LPP: variants seen among roughly 807,000 people sequenced by gnomAD.
The protein encoded by LPP is lipoma-preferred partner.
Under a neutral mutation model 60.4 loss-of-function variants are expected in LPP, and 38 were observed. The ratio of observed to expected loss-of-function variants is 0.63; its 90% CI spans 0.49 to 0.83. The LOEUF is 0.83. Among genes scored for constraint, LPP ranks in the 40% least tolerant of loss-of-function variants. LPP has a pLI of 0.00. For synonymous variants in LPP, 328 were observed against 290.8 expected (o/e 1.13, Z -1.30); for missense variants, 902 against 783.6 (o/e 1.15, Z -1.80).
chr3:188,295,084 T>C (rs1285517262), intron 2 of LPP, among the ~76,000 whole-genome samples: 1 of 152,206 alleles, frequency 6.6e-6, no homozygotes, highest in Non-Finnish European at 1.5e-5. Flanking sequence ...CCGGTGGACG[T>C]GTGTAGAGGC....
chr3:188,547,694 A>G (rs1260985787), intron 6 of LPP, among the ~76,000 whole-genome samples: 2 of 152,210 alleles, frequency 1.3e-5, no homozygotes, highest in African/African-American at 4.8e-5. Context: ...TTTTACAAAA[A>G]TAAAACAAAA....
intron 2 of LPP, among the ~76,000 whole-genome samples, chr3:188,296,495 G>A (rs893442710): frequency 6.6e-6 from 1 of 152,220 alleles, no homozygotes; most frequent in African/African-American, 2.4e-5. Flanking sequence ...TGTGGTTACA[G>A]TAGGTGATAA....
chr3:188,688,008 A>AT (rs1409366305), intron 7 of LPP, among the ~76,000 whole-genome samples: 1 of 151,822 alleles, frequency 6.6e-6, no homozygotes, highest in Non-Finnish European at 1.5e-5. Flanking sequence ...TGTCTGAGGT[A>AT]TTTTTTTGAA....
At chr3:188,363,225 C>T (rs981222662) in intron 3 of LPP, among the ~76,000 whole-genome samples, 7 of 152,076 alleles carry the variant, frequency 4.6e-5, no homozygotes, top group Non-Finnish European at 5.9e-5. Flanking sequence ...TTTCCACGCC[C>T]GGTTTTTTGC....
intron 8 of LPP, among the ~76,000 whole-genome samples, chr3:188,730,549 A>G (rs1396603537): frequency 1.3e-5 from 2 of 152,224 alleles, no homozygotes; most frequent in Non-Finnish European, 2.9e-5. Context: ...TGAATTTATC[A>G]TATTTAACCT....
intron 5 of LPP, among the ~76,000 whole-genome samples, chr3:188,522,921 T>C (rs1313917095): frequency 3.3e-5 from 5 of 151,550 alleles, no homozygotes; most frequent in African/African-American, 1.2e-4. Flanking sequence ...TATGTATGTA[T>C]GTTTGAGACA....
At chr3:188,801,212 A>G (rs913895485) in intron 9 of LPP, among the ~76,000 whole-genome samples, 4 of 152,202 alleles carry the variant, frequency 2.6e-5, no homozygotes, top group African/African-American at 7.2e-5. Flanking sequence ...CATCTGTCCT[A>G]GGCTCTACAA....
intron 9 of LPP, among the ~76,000 whole-genome samples, chr3:188,772,048 A>T (rs1736210861): frequency 6.6e-6 from 1 of 152,208 alleles, no homozygotes; most frequent in Non-Finnish European, 1.5e-5. Context: ...GACAGCAGGG[A>T]GTTGGGAGGT....
chr3:188,447,811 T>C (rs1413852725), intron 4 of LPP, among the ~76,000 whole-genome samples: 1 of 152,020 alleles, frequency 6.6e-6, no homozygotes, highest in Non-Finnish European at 1.5e-5. Flanking sequence ...CGGGATTCTA[T>C]AGCAGTATGG....
At chr3:188,789,649 C>G (rs62291353) in intron 9 of LPP, among the ~76,000 whole-genome samples, 53,245 of 151,666 alleles carry the variant, frequency 0.35, 10,420 homozygotes, top group East Asian at 0.79. Flanking sequence ...TGGAAACCAG[C>G]TCACTTACTT....
chr3:188,209,720 G>T (rs888625975), intron 1 of LPP, among the ~76,000 whole-genome samples: 4 of 152,314 alleles, frequency 2.6e-5, no homozygotes, highest in African/African-American at 9.6e-5. Context: ...CTTGGGCTGT[G>T]GGGTGGAGGT....
chr3:188,378,999 C>T lies in LPP; in HGVS notation c.-9-27113C>T, dbSNP rs1297298464. Among the ~76,000 whole-genome samples, 3 of 152,154 alleles carry T rather than the reference C, an allele frequency of 2.0e-5. No homozygotes were observed. In the East Asian group the frequency reaches 5.8e-4, roughly 29 times the overall value. On this transcript the variant is annotated intron_variant, in intron 3 of 11. Transcript: ENST00000617246. ...GGCAGGGCCACTGCTTACAGCTGCTCAAGTTGTGCCTTGCTTGAGGGCAGG... is the reference window on the plus strand; with the variant it reads ...GGCAGGGCCACTGCTTACAGCTGCTTAAGTTGTGCCTTGCTTGAGGGCAGG...
At chr3:188,261,629 C>T (rs569251720) in intron 2 of LPP, among the ~76,000 whole-genome samples, 4 of 152,072 alleles carry the variant, frequency 2.6e-5, no homozygotes, top group Non-Finnish European at 4.4e-5. Flanking sequence ...TTCTTGGGAC[C>T]GGACATGGTG....
At chr3:188,191,093 G>T (rs1728044493) in intron 1 of LPP, among the ~76,000 whole-genome samples, 1 of 152,156 alleles carries the variant, frequency 6.6e-6, no homozygotes. Context: ...AGCTGGGAGT[G>T]GTATTGCATG....
intron 4 of LPP, among the ~76,000 whole-genome samples, chr3:188,426,573 T>A (rs763263042): frequency 3.3e-5 from 5 of 152,148 alleles, no homozygotes; most frequent in Non-Finnish European, 7.3e-5. Context: ...CCAACTATTA[T>A]TATGTAGGAG....
At chr3:188,154,313 A>C (rs1715421825) in intron 1 of LPP, among the ~76,000 whole-genome samples, 61 bp downstream of exon 1, 4 of 151,762 alleles carry the variant, frequency 2.6e-5, no homozygotes, top group Admixed American at 1.3e-4. Context: ...GGGAACCCCC[A>C]GCCCTCCCCC....
intron 8 of LPP, among the ~76,000 whole-genome samples, chr3:188,735,835 C>T (rs992605247): frequency 6.6e-6 from 1 of 152,158 alleles, no homozygotes; most frequent in Non-Finnish European, 1.5e-5. Context: ...CAAAACTAGA[C>T]ATGGGAGAAG....
rs193243182 is a variant in LPP at position 188,802,704 on chromosome 3, A to G, written c.1410+42422A>G. Reference sequence around the variant, plus strand: ...GGGGCTGAGGCAGGAGAATCACTTGAACCCGGGAGGTGGAAGTTGCAGTGA... The same window carrying G: ...GGGGCTGAGGCAGGAGAATCACTTGGACCCGGGAGGTGGAAGTTGCAGTGA... On this transcript the variant is annotated intron_variant, in intron 9 of 11. Transcript: ENST00000617246. 5.9e-5 allele frequency among the ~76,000 whole-genome samples: 9 copies of G among 152,232 alleles called. No homozygotes were observed. The East Asian group carries it at 1.7e-3, about 30-fold the overall frequency.
At chr3:188,164,500 G>A (rs1031760609) in intron 1 of LPP, among the ~76,000 whole-genome samples, 1 of 152,168 alleles carries the variant, frequency 6.6e-6, no homozygotes, top group Non-Finnish European at 1.5e-5. Context: ...AAATAACTTG[G>A]TTGGCACCTG....
Sources: gnomAD v4.1 joint callset for allele counts (sites outside exome capture counted in the v4.1 genomes callset) on GRCh38, gnomAD v4.1.1 for gene constraint, MANE v1.5 for transcripts, NCBI Gene and HGNC (gene_info 2026-07-23, HGNC 2026-07-21) for gene names.